NTPCR: variants seen among roughly 807,000 people sequenced by gnomAD.
The protein encoded by NTPCR is nucleoside-triphosphatase, cancer-related.
NTPCR carries 15 observed loss-of-function variants against 19.5 expected under a neutral mutation model. That is an observed-to-expected ratio of 0.77 (90% CI 0.51 to 1.18). The LOEUF (loss-of-function observed/expected upper bound fraction) is 1.18. Among genes scored for constraint, NTPCR ranks in the 50% most tolerant of loss-of-function variants. The pLI is 0.00. For synonymous variants in NTPCR, 90 were observed against 95.8 expected, an observed-to-expected ratio of 0.94 and a Z score of 0.36; for missense variants, 206 against 240.4, an observed-to-expected ratio of 0.86 and a Z score of 0.95.
intron 4 of NTPCR, among the ~76,000 whole-genome samples, chr1:232,977,896 A>G (rs542881688): frequency 6.6e-6 from 1 of 152,066 alleles, no homozygotes; most frequent in South Asian, 2.1e-4. Context: ...CTCACTTCAC[A>G]GCTCTCCCCA....
rs1220631412 is a variant in NTPCR at position 232,980,525 on chromosome 1, T to TACTA, written c.*2294_*2295insACTA. ...TGCTGTAAATCCAAAGAACGTTTAG[T>TACTA]GTCTCTTGTGGTGAGGTCCTGAAAT... On this transcript the variant is annotated 3_prime_UTR_variant, in exon 5 of 5. Coordinates refer to ENST00000366628, the MANE Select transcript of NTPCR (RefSeq NM_032324.3). 1 of 152,222 alleles carries TACTA rather than the reference T, an allele frequency of 6.6e-6. No individual in the cohort carries two copies. The highest frequency in any genetic ancestry group is 1.5e-5 in the Non-Finnish European group (1 of 68,040). 9.4% of individuals were successfully genotyped at this position (152,222 alleles called of 1,614,324 possible). A position where few individuals can be genotyped will look rare whatever the true frequency, so the allele number is the denominator to read the frequency against.
At chr1:232,963,344 G>C (rs1176607249) in intron 3 of NTPCR, 1 of 152,130 alleles carries the variant, frequency 6.6e-6, no homozygotes, top group Non-Finnish European at 1.5e-5. Context: ...TATTATTTCT[G>C]ATTGTTGGCG....
intron 1 of NTPCR, 41 bp downstream of exon 1, chr1:232,950,785 G>T (rs543635033): frequency 5.5e-6 from 8 of 1,460,976 alleles, no homozygotes; most frequent in Middle Eastern, 1.8e-4. Context: ...GGTCGAGGGG[G>T]TGGGGGCGCG....
chr1:232,950,695 AC>A lies in NTPCR; in HGVS notation c.-11del. The A allele has an allele frequency of 6.2e-7, 1 of 1,603,236 alleles. No individual in the cohort carries two copies. The highest frequency in any genetic ancestry group is 8.5e-7 in the Non-Finnish European group (1 of 1,172,798). ...GACTGCTCCCCTGACCGCAACCCCT[AC>A]CCCCGCCCACCAGTATGGCCCGGCA... On this transcript the variant is annotated 5_prime_UTR_variant, in exon 1 of 5. Coordinates refer to ENST00000366628, the MANE Select transcript of NTPCR (RefSeq NM_032324.3).
At position 232,979,298 on chromosome 1, in the gene NTPCR, C is replaced by T. The variant is rs1456240754; in HGVS notation, c.*1067C>T. The T allele has an allele frequency of 1.3e-5, 2 of 152,078 alleles. No individual in the cohort carries two copies. Among genetic ancestry groups the T allele is most frequent in the Non-Finnish European group, 2.9e-5 (2 of 68,048 alleles). The allele number at this position is 152,078 out of a possible 1,614,324, so 9.4% of individuals were successfully genotyped here. On this transcript the variant is annotated 3_prime_UTR_variant, in exon 5 of 5. Coordinates refer to ENST00000366628, the MANE Select transcript of NTPCR (RefSeq NM_032324.3). The surrounding 1 kb of genome is among the most constrained non-coding windows in gnomAD (Gnocchi z 5.3). Reference sequence around the variant, plus strand: ...CCAGGATTTTTTTTTAACAAATTAGCATTGGCTACAAACCCACTGGTATAA... The same window carrying T: ...CCAGGATTTTTTTTTAACAAATTAGTATTGGCTACAAACCCACTGGTATAA...
chr1:232,955,815 C>A, intron 2 of NTPCR, 96 bp downstream of exon 2: 1 of 1,236,020 alleles, frequency 8.1e-7, no homozygotes, highest in Non-Finnish European at 1.2e-6. Context: ...TCACCAAAAG[C>A]AGATACTCTG....
chr1:232,963,605 C>G (rs1362073214), intron 3 of NTPCR: 2 of 152,150 alleles, frequency 1.3e-5, no homozygotes, highest in Non-Finnish European at 2.9e-5. Flanking sequence ...AACCACACTC[C>G]ATTAGGAGGA....
chr1:232,954,715 T>C (rs2102737161), intron 1 of NTPCR, among the ~76,000 whole-genome samples: 1 of 152,276 alleles, frequency 6.6e-6, no homozygotes, highest in South Asian at 2.1e-4. Context: ...AGAAAATGCT[T>C]CCAAAGTGTG....
rs1669247683 is a variant in NTPCR at position 232,980,202 on chromosome 1, C to A, written c.*1971C>A. On this transcript the variant is annotated 3_prime_UTR_variant, in exon 5 of 5. Transcript: ENST00000366628. ...TTGTGCTTATGTGGGGTGGGAGTGTCACTGCCTACTTGAAAGTATGCACTT... is the reference window on the plus strand; with the variant it reads ...TTGTGCTTATGTGGGGTGGGAGTGTAACTGCCTACTTGAAAGTATGCACTT... 1 of 152,246 alleles carries A rather than the reference C, an allele frequency of 6.6e-6. No homozygotes were observed. 9.4% of individuals were successfully genotyped at this position (152,246 alleles called of 1,614,324 possible). A position where few individuals can be genotyped will look rare whatever the true frequency, so the allele number is the denominator to read the frequency against.
chr1:232,977,745 C>G (rs1669163098), intron 4 of NTPCR, among the ~76,000 whole-genome samples: 1 of 152,162 alleles, frequency 6.6e-6, no homozygotes, highest in Non-Finnish European at 1.5e-5. Flanking sequence ...CACTGCTGCT[C>G]TGCTGGGTGC....
chr1:232,976,451 C>T, intron 4 of NTPCR: 1 of 1,550,614 alleles, frequency 6.4e-7, no homozygotes, highest in Admixed American at 2.0e-5. Context: ...CTGCTGAACT[C>T]AGAGTGGAAG....
rs1325017254 is a variant in NTPCR at position 232,982,089 on chromosome 1, G to C, written c.*3858G>C. 2 of 152,182 alleles carry C rather than the reference G, an allele frequency of 1.3e-5. No homozygotes were observed. Among genetic ancestry groups the C allele is most frequent in the Admixed American group, 6.5e-5 (1 of 15,284 alleles). 9.4% of individuals were successfully genotyped at this position (152,182 alleles called of 1,614,324 possible). On this transcript the variant is annotated 3_prime_UTR_variant, in exon 5 of 5. Transcript: ENST00000366628. ...CAGAATATTTGAACAACTCTAGCAA[G>C]AAATGTCAGTTTAGGGATGCCTCCT... is the stretch of plus-strand genomic sequence containing the variant.
intron 4 of NTPCR, among the ~76,000 whole-genome samples, chr1:232,977,778 C>T (rs1669163951): frequency 6.6e-6 from 1 of 152,150 alleles, no homozygotes; most frequent in South Asian, 2.1e-4. Flanking sequence ...CGCTGGCTCC[C>T]AGGCTCTCCT....
chr1:232,951,782 G>C (rs1412864416), intron 1 of NTPCR, among the ~76,000 whole-genome samples: 1 of 152,224 alleles, frequency 6.6e-6, no homozygotes, highest in South Asian at 2.1e-4. Context: ...AGCAGGGGGT[G>C]AGGAGGAGGA....
chr1:232,967,317 T>C (rs1454626768), intron 3 of NTPCR: 2 of 152,236 alleles, frequency 1.3e-5, no homozygotes, highest in Admixed American at 6.5e-5. Context: ...GCTCAGCAGC[T>C]GACATCTTTC....
chr1:232,959,976 T>C (rs1483153609), intron 3 of NTPCR, among the ~76,000 whole-genome samples: 1 of 151,938 alleles, frequency 6.6e-6, no homozygotes, highest in Admixed American at 6.6e-5. Context: ...TTTGGGAGTC[T>C]GAGGTGAGTG....
chr1:232,965,148 A>G (rs1216341203), intron 3 of NTPCR: 1 of 152,212 alleles, frequency 6.6e-6, no homozygotes, highest in Non-Finnish European at 1.5e-5. Context: ...AAATAAATTG[A>G]GGTTTTGTGC....
At chr1:232,976,573 CA>C in intron 4 of NTPCR, 1 of 1,475,774 alleles carries the variant, frequency 6.8e-7, no homozygotes, top group Non-Finnish European at 9.0e-7. Flanking sequence ...AAAACAGCAT[CA>C]AAAAGCCTTA....
chr1:232,981,516 C>G lies in NTPCR; in HGVS notation c.*3285C>G, dbSNP rs1218294187. The G allele has an allele frequency of 2.0e-5, 3 of 152,250 alleles. No homozygotes were observed. Among genetic ancestry groups the G allele is most frequent in the African/African-American group, 7.2e-5 (3 of 41,544 alleles). 9.4% of individuals were successfully genotyped at this position (152,250 alleles called of 1,614,324 possible). A position where few individuals can be genotyped will look rare whatever the true frequency, so the allele number is the denominator to read the frequency against. ...GAGACGGGTGGGCTAAGTAAACAGG[C>G]ATTGCATTGCACATTTTGTGGGCAA... is the stretch of plus-strand genomic sequence containing the variant. On this transcript the variant is annotated 3_prime_UTR_variant, in exon 5 of 5. Coordinates refer to ENST00000366628, the MANE Select transcript of NTPCR (RefSeq NM_032324.3).
Sources: allele counts gnomAD v4.1 joint callset (sites outside exome capture counted in the v4.1 genomes callset), GRCh38; gene constraint gnomAD v4.1.1; non-coding constraint Gnocchi (gnomAD v3.1); transcripts MANE v1.5; gene names NCBI Gene and HGNC (gene_info 2026-07-23, HGNC 2026-07-21).